The following MMP28 variants were observed in gnomAD, a reference collection of about 807,000 sequenced individuals.
MMP28 encodes the protein matrix metallopeptidase 28, also known as matrix metalloproteinase-28.
Under a neutral mutation model 60.5 loss-of-function variants are expected in MMP28, and 55 were observed. The ratio of observed to expected loss-of-function variants is 0.91; its 90% CI spans 0.73 to 1.14. MMP28 has a LOEUF of 1.14. Ranked by LOEUF, MMP28 falls within the 50% of genes most tolerant of loss-of-function variation. The pLI is 0.00. For synonymous variants in MMP28, 318 were observed against 312.5 expected (o/e 1.02, Z -0.18); for missense variants, 686 against 738.3 (o/e 0.93, Z 0.82).
intron 7 of MMP28, chr17:35,767,185 G>T (rs188758816): frequency 3.0e-6 from 2 of 662,688 alleles, no homozygotes; most frequent in Admixed American, 4.4e-5. Context: ...ATTCTATGAG[G>T]GCAAGGATTT....
At chr17:35,763,897 AAAATAAATAAATAAATAAAT>A (rs35027942), downstream of MMP28, 18 of 654,350 alleles carry the variant, frequency 2.8e-5, no homozygotes, top group African/African-American at 8.2e-5. Context: ...ACCCTGTCTC[AAAATAAATAAATAAATAAAT>A]AAATAAATAA....
At chr17:35,779,488 C>A (rs1270862008) in intron 1 of MMP28, 165 bp from the exon 2 acceptor site, 2 of 597,748 alleles carry the variant, frequency 3.3e-6, no homozygotes, top group South Asian at 2.1e-5. Flanking sequence ...GTCAAAAGGA[C>A]CTGGACTCAA....
intron 1 of MMP28, among the ~76,000 whole-genome samples, chr17:35,793,081 A>G (rs1299066468): frequency 2.0e-5 from 3 of 152,230 alleles, no homozygotes; most frequent in Non-Finnish European, 4.4e-5. Context: ...ATACACACAC[A>G]CGTGTGCTTG....
intron 4 of MMP28, among the ~76,000 whole-genome samples, chr17:35,771,730 TATATATATATATATATATATATATAA>T (rs1335889118): frequency 6.9e-5 from 5 of 72,182 alleles, no homozygotes; most frequent in Admixed American, 1.5e-4. Context: ...TATATATATA[TATATATATATATATATATATATATAA>T]AATTGTGTTC....
intron 2 of MMP28, among the ~76,000 whole-genome samples, chr17:35,759,873 A>G (rs2143058563): frequency 6.6e-6 from 1 of 152,296 alleles, no homozygotes; most frequent in African/African-American, 2.4e-5. Flanking sequence ...CACGAGTAAT[A>G]AAGTCCTTTG....
intron 3 of MMP28, among the ~76,000 whole-genome samples, chr17:35,777,783 T>C (rs2086376707): frequency 6.6e-6 from 1 of 152,252 alleles, no homozygotes; most frequent in Non-Finnish European, 1.5e-5. Context: ...GTGCGGTGGC[T>C]CACGCCTACA....
At chr17:35,792,586 G>T (rs1253207981) in intron 1 of MMP28, among the ~76,000 whole-genome samples, 2 of 152,156 alleles carry the variant, frequency 1.3e-5, no homozygotes, top group Non-Finnish European at 2.9e-5. Flanking sequence ...TAAGTTTTGG[G>T]GGTAATTTGT....
At chr17:35,773,431 C>T in intron 3 of MMP28, 27 bp from the exon 4 acceptor site, 2 of 1,552,092 alleles carry the variant, frequency 1.3e-6, no homozygotes, top group Non-Finnish European at 1.7e-6. Context: ...CCACGTCAGT[C>T]ACACCTGCTG....
At chr17:35,769,944 C>G in intron 5 of MMP28, 123 bp downstream of exon 5, 3 of 1,305,700 alleles carry the variant, frequency 2.3e-6, no homozygotes, top group Non-Finnish European at 3.1e-6. Context: ...GACGAATCGG[C>G]GACAGGGAGG....
downstream of MMP28, chr17:35,764,510 C>T (rs782699645): frequency 6.3e-7 from 1 of 1,594,676 alleles, no homozygotes; most frequent in Non-Finnish European, 8.5e-7. Context: ...GCTGCGAGCT[C>T]CTCTTCTGCA....
intron 1 of MMP28, among the ~76,000 whole-genome samples, chr17:35,783,914 G>A (rs889545419): frequency 6.6e-6 from 1 of 152,070 alleles, no homozygotes; most frequent in African/African-American, 2.4e-5. Context: ...GCATGTGCCC[G>A]GGACACGAGC....
At chr17:35,776,164 G>A (rs908398059) in intron 3 of MMP28, among the ~76,000 whole-genome samples, 18 of 149,070 alleles carry the variant, frequency 1.2e-4, no homozygotes, top group Non-Finnish European at 8.9e-5. Context: ...GTGAGCCACC[G>A]CGCCCAGGCT....
chr17:35,792,094 T>G (rs1057370915), intron 1 of MMP28, among the ~76,000 whole-genome samples: 1 of 152,096 alleles, frequency 6.6e-6, no homozygotes, highest in Non-Finnish European at 1.5e-5. Context: ...TTCTGGGTTT[T>G]CCTTCTGTGG....
At chr17:35,767,097 T>G in intron 7 of MMP28, 3 of 711,134 alleles carry the variant, frequency 4.2e-6, no homozygotes, top group Non-Finnish European at 7.6e-6. Context: ...TTGTCTAGAC[T>G]CCCAGCAGGT....
chr17:35,763,015 G>A (rs1438838488), downstream of MMP28, among the ~76,000 whole-genome samples: 1 of 151,934 alleles, frequency 6.6e-6, no homozygotes, highest in Non-Finnish European at 1.5e-5. Flanking sequence ...CCAGTTACTC[G>A]GGAGGCTGAG....
Position 35,785,533 on chromosome 17 carries a change from C to T in MMP28, c.112-6210G>A, listed in dbSNP as rs150312824. On this transcript the variant is annotated intron_variant, in intron 1 of 7. Transcript: ENST00000605424. ...CGAGATCTCAGTTCACTACAAGCTC[C>T]GCCTCCCGAGTTCACACCATTCTCC... is the stretch of plus-strand genomic sequence containing the variant. Among the ~76,000 whole-genome samples the T allele has an allele frequency of 8.4e-3, 1,280 of 152,104 alleles. 16 individuals are homozygous for T. The highest frequency in any genetic ancestry group is 0.029 in the African/African-American group (1,199 of 41,478).
intron 4 of MMP28, among the ~76,000 whole-genome samples, chr17:35,770,829 C>T (rs368610067): frequency 6.6e-6 from 1 of 151,892 alleles, no homozygotes; most frequent in East Asian, 1.9e-4. Flanking sequence ...GTGGGAGGAA[C>T]ATTTGAGCCC....
Position 35,771,755 on chromosome 17 carries a change from A to AT in MMP28, c.604+1424_604+1425insA, listed in dbSNP as rs1568151490. On this transcript the variant is annotated intron_variant, in intron 4 of 7. Transcript: ENST00000605424. ...TATATATATATATATATATATATAT[A>AT]AAATTGTGTTCTTGCCCTCCTCTGC... Among the ~76,000 whole-genome samples the AT allele has an allele frequency of 6.5e-4, 59 of 91,152 alleles. 1 individual carries two copies. The highest frequency in any genetic ancestry group is 1.1e-3 in the Non-Finnish European group (53 of 47,938). 59.8% of individuals were successfully genotyped at this position (91,152 alleles called of 152,430 possible). A position where few individuals can be genotyped will look rare whatever the true frequency, so the allele number is the denominator to read the frequency against.
chr17:35,762,894 G>T (rs2085849328), downstream of MMP28, among the ~76,000 whole-genome samples: 1 of 152,040 alleles, frequency 6.6e-6, no homozygotes, highest in Non-Finnish European at 1.5e-5. Flanking sequence ...GGGAGGCCGA[G>T]GCGGGCAGAT....
Sources: gnomAD v4.1 joint callset for allele counts (sites outside exome capture counted in the v4.1 genomes callset) on GRCh38, gnomAD v4.1.1 for gene constraint, MANE v1.5 for transcripts, NCBI Gene and HGNC (gene_info 2026-07-23, HGNC 2026-07-21) for gene names.